GBP7: variants seen among roughly 807,000 people sequenced by gnomAD.
The protein encoded by GBP7 is guanylate-binding protein 7.
In GBP7, 43 loss-of-function variants were observed where a neutral mutation model predicts 61.3. The ratio of observed to expected loss-of-function variants is 0.70; its 90% confidence interval spans 0.55 to 0.91. GBP7 has a LOEUF of 0.91. Among genes scored for constraint, GBP7 ranks in the 40% least tolerant of loss-of-function variants. The pLI is 0.00. For missense variants in GBP7, 717 were observed against 740.5 expected (o/e 0.97, Z 0.37); for synonymous variants, 267 against 271.0 (o/e 0.99, Z 0.14).
chr1:89,153,858 A>C lies in GBP7; in HGVS notation c.319-1081T>G, dbSNP rs143047131. 4.6e-5 allele frequency among the ~76,000 whole-genome samples: 7 copies of C among 152,350 alleles called. No individual in the cohort carries two copies. In the East Asian group the frequency reaches 1.3e-3, roughly 29 times the overall value. ...AATAAGATGGCAGTAGGTTGAAACGAGCTGGACGTTAAGGAGTACATAAAA... is the reference window on the plus strand; with the variant it reads ...AATAAGATGGCAGTAGGTTGAAACGCGCTGGACGTTAAGGAGTACATAAAA... On this transcript the variant is annotated intron_variant, in intron 3 of 10. Transcript: ENST00000294671.
chr1:89,134,089 C>T (rs1040366710), intron 9 of GBP7, among the ~76,000 whole-genome samples: 5 of 152,166 alleles, frequency 3.3e-5, no homozygotes, highest in African/African-American at 1.2e-4. Context: ...TGGCTGCATC[C>T]ACTTAAAGTG....
intron 9 of GBP7, among the ~76,000 whole-genome samples, chr1:89,138,150 T>C (rs1681851281): frequency 6.6e-6 from 1 of 152,002 alleles, no homozygotes; most frequent in African/African-American, 2.4e-5. Flanking sequence ...CTGAAAGAAA[T>C]CTGAGACTGC....
At chr1:89,154,388 C>G (rs1174502888) in intron 3 of GBP7, among the ~76,000 whole-genome samples, 2 of 152,078 alleles carry the variant, frequency 1.3e-5, no homozygotes, top group Non-Finnish European at 2.9e-5. Flanking sequence ...GAGACTTGCT[C>G]TGTTGCCCAG....
chr1:89,131,958 T>C lies in GBP7; in HGVS notation c.*191A>G. The C allele has an allele frequency of 2.3e-6, 1 of 440,530 alleles. No individual in the cohort carries two copies. Among genetic ancestry groups the C allele is most frequent in the Non-Finnish European group, 4.0e-6 (1 of 251,286 alleles). 27.3% of individuals were successfully genotyped at this position (440,530 alleles called of 1,614,324 possible). A position where few individuals can be genotyped will look rare whatever the true frequency, so the allele number is the denominator to read the frequency against. ...CTTAAATCTTTTCTAGGAATAATTT[T>C]ATCTTCTAACTTGTTCCCCATTTCT... is the stretch of plus-strand genomic sequence containing the variant. On this transcript the variant is annotated 3_prime_UTR_variant, in exon 11 of 11. Coordinates refer to ENST00000294671, the MANE Select transcript of GBP7 (RefSeq NM_207398.3).
At chr1:89,170,082 A>T (rs573499088) in intron 2 of GBP7, among the ~76,000 whole-genome samples, 1 of 152,158 alleles carries the variant, frequency 6.6e-6, no homozygotes, top group Admixed American at 6.5e-5. Context: ...TGTACCAGTG[A>T]TCCCTTTTTA....
chr1:89,153,111 G>C (rs1557459818), intron 3 of GBP7, among the ~76,000 whole-genome samples: 1 of 152,186 alleles, frequency 6.6e-6, no homozygotes, highest in Non-Finnish European at 1.5e-5. Flanking sequence ...TTGGTATGAA[G>C]TCTCCTGAAT....
chr1:89,140,146 AT>A (rs1275319884), intron 9 of GBP7, among the ~76,000 whole-genome samples: 1 of 152,110 alleles, frequency 6.6e-6, no homozygotes, highest in African/African-American at 2.4e-5. Flanking sequence ...TTATAGGGAC[AT>A]GGATGAAACT....
At chr1:89,174,273 C>T (rs1647682190) in intron 1 of GBP7, among the ~76,000 whole-genome samples, 1 of 152,040 alleles carries the variant, frequency 6.6e-6, no homozygotes, top group Admixed American at 6.6e-5. Flanking sequence ...AGAGTCCTAC[C>T]AACGGGATTG....
At position 89,132,421 on chromosome 1, in the gene GBP7, C is replaced by G. The variant is rs748259642; in HGVS notation, c.1663-18G>C. ...TCTAGGACCTATAAAAGTAAAAGAG[C>G]CTACTTTTGAAAATCCCCAATTTTT... On this transcript the variant is annotated intron_variant, in intron 10 of 10. Transcript: ENST00000294671. 161 of 1,551,754 alleles carry G rather than the reference C, an allele frequency of 1.0e-4. No homozygotes were observed. The highest frequency in any genetic ancestry group is 1.9e-4 in the Middle Eastern group (1 of 5,178).
At chr1:89,163,576 A>G (rs1391104905) in intron 3 of GBP7, among the ~76,000 whole-genome samples, 2 of 112,590 alleles carry the variant, frequency 1.8e-5, no homozygotes, top group Non-Finnish European at 3.6e-5. Context: ...TTAATATTGT[A>G]TTTATGTGGG....
chr1:89,141,064 G>A (rs944803979), intron 9 of GBP7, among the ~76,000 whole-genome samples: 2 of 152,124 alleles, frequency 1.3e-5, no homozygotes, highest in East Asian at 1.9e-4. Context: ...GATGGGAAGA[G>A]GGTAAAGATT....
chr1:89,150,663 A>G, intron 5 of GBP7, 88 bp from the exon 6 acceptor site: 2 of 1,320,474 alleles, frequency 1.5e-6, no homozygotes, highest in Non-Finnish European at 2.1e-6. Flanking sequence ...TCCATCAATC[A>G]CTACAGTCTC....
chr1:89,147,847 T>G, intron 7 of GBP7, 68 bp from the exon 8 acceptor site: 3 of 1,527,256 alleles, frequency 2.0e-6, no homozygotes, highest in Non-Finnish European at 2.7e-6. Context: ...ACTGTGATCC[T>G]CTTGGAAGAA....
chr1:89,137,716 A>G (rs986149266), intron 9 of GBP7, among the ~76,000 whole-genome samples: 1 of 152,186 alleles, frequency 6.6e-6, no homozygotes, highest in Non-Finnish European at 1.5e-5. Flanking sequence ...AAAAAGCTGG[A>G]AACATTTCAC....
Position 89,156,944 on chromosome 1 carries a change from A to G in GBP7, c.319-4167T>C, listed in dbSNP as rs181356282. 2.0e-5 allele frequency among the ~76,000 whole-genome samples: 3 copies of G among 152,338 alleles called. No homozygotes were observed. In the East Asian group the frequency reaches 5.8e-4, roughly 29 times the overall value. On this transcript the variant is annotated intron_variant, in intron 3 of 10. Coordinates refer to ENST00000294671, the MANE Select transcript of GBP7 (RefSeq NM_207398.3). ...TCGCACTTATTCCAAAATGGACCAC[A>G]TAGTTGGAAGTAAAGCACTCCTCAG...
intron 10 of GBP7, 51 bp from the exon 11 acceptor site, chr1:89,132,454 C>A: frequency 7.2e-7 from 1 of 1,392,502 alleles, no homozygotes; most frequent in Non-Finnish European, 9.8e-7. Context: ...TTTAAGAGAC[C>A]GAGGTTTGTA....
At chr1:89,165,721 G>A (rs1485889355) in intron 2 of GBP7, among the ~76,000 whole-genome samples, 1 of 151,418 alleles carries the variant, frequency 6.6e-6, no homozygotes, top group Admixed American at 6.6e-5. Context: ...CCAACAATGG[G>A]GACACATGGA....
At chr1:89,138,001 A>G (rs145556983) in intron 9 of GBP7, among the ~76,000 whole-genome samples, 11 of 152,238 alleles carry the variant, frequency 7.2e-5, no homozygotes, top group African/African-American at 2.4e-4. Flanking sequence ...CTACACACCA[A>G]TAATGTCCAA....
At chr1:89,175,319 C>T (rs1290376246) in intron 1 of GBP7, among the ~76,000 whole-genome samples, 1 of 152,144 alleles carries the variant, frequency 6.6e-6, no homozygotes, top group Non-Finnish European at 1.5e-5. Context: ...GTGATCATGA[C>T]CCATTTCCTC....
Sources: gnomAD v4.1 joint callset for allele counts (sites outside exome capture counted in the v4.1 genomes callset) on GRCh38, gnomAD v4.1.1 for gene constraint, MANE v1.5 for transcripts, NCBI Gene and HGNC (gene_info 2026-07-23, HGNC 2026-07-21) for gene names.